WWTR1: variants seen among roughly 807,000 people sequenced by gnomAD.
The protein encoded by WWTR1 is WW domain-containing transcription regulator protein 1.
Under a neutral mutation model 40.1 loss-of-function variants are expected in WWTR1, and 13 were observed. That is an observed-to-expected ratio of 0.32 (90% confidence interval 0.21 to 0.52). The LOEUF (loss-of-function observed/expected upper bound fraction) is 0.52, where lower values mean the gene tolerates loss of function less well. Ranked by LOEUF, WWTR1 falls within the 20% of genes least tolerant of loss-of-function variation. The pLI, the probability that WWTR1 is intolerant of heterozygous loss-of-function variation, is 0.97. For missense variants in WWTR1, 436 were observed against 523.1 expected, an observed-to-expected ratio of 0.83 and a Z score of 1.63; for synonymous variants, 230 against 210.1, an observed-to-expected ratio of 1.09 and a Z score of -0.82.
intron 2 of WWTR1, among the ~76,000 whole-genome samples, chr3:149,595,249 C>A (rs912762471): frequency 1.3e-5 from 2 of 151,972 alleles, no homozygotes; most frequent in Admixed American, 1.3e-4. Flanking sequence ...CATGAGCCAC[C>A]GCGCCCAGCC....
At chr3:149,649,146 C>G (rs1215525422) in intron 2 of WWTR1, 1 of 152,216 alleles carries the variant, frequency 6.6e-6, no homozygotes, top group Non-Finnish European at 1.5e-5. Context: ...GCAAGCGCCA[C>G]CATGCCCGGC....
chr3:149,678,424 A>G (rs74764051), intron 1 of WWTR1, among the ~76,000 whole-genome samples: 2,095 of 152,252 alleles, frequency 0.014, 31 homozygotes, highest in East Asian at 0.062. Flanking sequence ...CCCTTTTTCC[A>G]TAATGGCCAG....
At chr3:149,583,052 G>A (rs1049279407) in intron 2 of WWTR1, among the ~76,000 whole-genome samples, 2 of 152,040 alleles carry the variant, frequency 1.3e-5, no homozygotes, top group Non-Finnish European at 1.5e-5. Flanking sequence ...TGCAACCTCC[G>A]CCCCTCAGGT....
chr3:149,716,386 A>C (rs1253148473), intron 5 of WWTR1, among the ~76,000 whole-genome samples: 1 of 152,114 alleles, frequency 6.6e-6, no homozygotes, highest in Middle Eastern at 3.2e-3. Context: ...CATCTCAAAA[A>C]AAAATAATAA....
chr3:149,683,297 A>G (rs1268930526), intron 1 of WWTR1, among the ~76,000 whole-genome samples: 1 of 152,212 alleles, frequency 6.6e-6, no homozygotes, highest in African/African-American at 2.4e-5. Context: ...ATGTATCCCT[A>G]TTAGTGAGAT....
At chr3:149,642,889 T>C (rs1712267936) in intron 2 of WWTR1, among the ~76,000 whole-genome samples, 1 of 152,114 alleles carries the variant, frequency 6.6e-6, no homozygotes, top group South Asian at 2.1e-4. Flanking sequence ...CACTAGAGAA[T>C]GCATCTGCAG....
intron 2 of WWTR1, among the ~76,000 whole-genome samples, chr3:149,609,275 T>G (rs1739628747): frequency 6.6e-6 from 1 of 152,106 alleles, no homozygotes; most frequent in Non-Finnish European, 1.5e-5. Flanking sequence ...AAGTTTGGGT[T>G]AGCTAATCAT....
At chr3:149,686,600 C>G (rs1007048703) in intron 1 of WWTR1, among the ~76,000 whole-genome samples, 7 of 152,156 alleles carry the variant, frequency 4.6e-5, no homozygotes, top group African/African-American at 1.7e-4. Context: ...CAACTTTTCT[C>G]TATGTCTCAT....
Position 149,646,129 on chromosome 3 carries a change from T to C in WWTR1, c.431+10747A>G, listed in dbSNP as rs1308633373. Among the ~76,000 whole-genome samples the C allele has an allele frequency of 2.0e-5, 3 of 152,224 alleles. No homozygotes were observed. In the East Asian group the frequency reaches 5.8e-4, roughly 29 times the overall value. Reference sequence around the variant, plus strand: ...GATTAATTGGTTGATGCAAAAATTATAGCTAGAAGGATGGATGGAAAAATA... The same window carrying C: ...GATTAATTGGTTGATGCAAAAATTACAGCTAGAAGGATGGATGGAAAAATA... On this transcript the variant is annotated intron_variant, in intron 2 of 6. Coordinates refer to ENST00000360632, the MANE Select transcript of WWTR1 (RefSeq NM_015472.6).
chr3:149,647,291 C>G (rs150252596), intron 2 of WWTR1, among the ~76,000 whole-genome samples: 19 of 152,190 alleles, frequency 1.2e-4, no homozygotes, highest in African/African-American at 4.1e-4. Context: ...TTTATTACCT[C>G]TTTAAAAACT....
chr3:149,613,729 G>T (rs1739841464), intron 2 of WWTR1, among the ~76,000 whole-genome samples: 1 of 151,786 alleles, frequency 6.6e-6, no homozygotes, highest in Non-Finnish European at 1.5e-5. Context: ...TTAATTTTTT[G>T]TAGAAATGAG....
chr3:149,650,881 T>C (rs1712828171), intron 2 of WWTR1, among the ~76,000 whole-genome samples: 1 of 152,220 alleles, frequency 6.6e-6, no homozygotes, highest in Non-Finnish European at 1.5e-5. Flanking sequence ...CAGATCCAGG[T>C]TGTCCCTCAA....
chr3:149,685,312 T>C (rs2108207733), intron 1 of WWTR1, among the ~76,000 whole-genome samples: 1 of 152,270 alleles, frequency 6.6e-6, no homozygotes, highest in Middle Eastern at 3.4e-3. Flanking sequence ...CTGGGATAAC[T>C]ATAAGATCAC....
At chr3:149,673,879 G>C (rs1215948288) in intron 1 of WWTR1, among the ~76,000 whole-genome samples, 1 of 151,950 alleles carries the variant, frequency 6.6e-6, no homozygotes. Context: ...AGTCAAGACA[G>C]GTAAGGAGAA....
chr3:149,529,387 T>C (rs541876419), intron 4 of WWTR1, among the ~76,000 whole-genome samples: 2 of 152,314 alleles, frequency 1.3e-5, no homozygotes, highest in African/African-American at 4.8e-5. Flanking sequence ...GTTGCACTGT[T>C]ACAAACCATG....
chr3:149,530,448 T>A (rs1200263211), intron 4 of WWTR1, among the ~76,000 whole-genome samples: 1 of 151,856 alleles, frequency 6.6e-6, no homozygotes, highest in East Asian at 1.9e-4. Flanking sequence ...GATAAAAAAA[T>A]ACACTATATA....
intron 1 of WWTR1, among the ~76,000 whole-genome samples, chr3:149,683,788 G>A (rs1465582702): frequency 6.6e-6 from 1 of 152,208 alleles, no homozygotes; most frequent in East Asian, 1.9e-4. Context: ...CCAATGGGAA[G>A]GGGGTGTGAC....
chr3:149,672,810 G>T (rs1356923129), intron 1 of WWTR1, among the ~76,000 whole-genome samples: 1 of 147,408 alleles, frequency 6.8e-6, no homozygotes. Context: ...AAGAAATAGG[G>T]TCTCACTTGG....
At chr3:149,687,244 T>C (rs1398276054) in intron 1 of WWTR1, among the ~76,000 whole-genome samples, 1 of 152,204 alleles carries the variant, frequency 6.6e-6, no homozygotes, top group Non-Finnish European at 1.5e-5. Context: ...TGCTTATCTG[T>C]AAGATAGCTG....
Sources: gnomAD v4.1 joint callset for allele counts (sites outside exome capture counted in the v4.1 genomes callset) on GRCh38, gnomAD v4.1.1 for gene constraint, MANE v1.5 for transcripts, NCBI Gene and HGNC (gene_info 2026-07-23, HGNC 2026-07-21) for gene names.